The following SAMMSON variants were observed in gnomAD, a reference collection of about 807,000 sequenced individuals.
SAMMSON encodes survival associated mitochondrial melanoma specific oncogenic non-coding RNA.
At chr3:70,133,991 C>A (rs917264254) in intron 4 of SAMMSON, among the ~76,000 whole-genome samples, 2 of 151,724 alleles carry the variant, frequency 1.3e-5, no homozygotes, top group African/African-American at 4.8e-5. Context: ...CGCCTGTAAT[C>A]CCAGCACTTT....
intron 4 of SAMMSON, chr3:70,125,228 C>G (rs1051543488): frequency 7.3e-7 from 1 of 1,361,370 alleles, no homozygotes; most frequent in Non-Finnish European, 1.1e-6. Flanking sequence ...TCCTTTCATA[C>G]GACCTTCTTT....
intron 6 of SAMMSON, among the ~76,000 whole-genome samples, chr3:70,276,327 C>G (rs533266073): frequency 2.8e-4 from 43 of 152,240 alleles, no homozygotes; most frequent in African/African-American, 7.9e-4. Context: ...ATTATTCCAT[C>G]TTATGAACAC....
At chr3:70,324,639 TAGTC>T (rs1311851183) in intron 7 of SAMMSON, among the ~76,000 whole-genome samples, 3 of 152,174 alleles carry the variant, frequency 2.0e-5, no homozygotes, top group Non-Finnish European at 4.4e-5. Flanking sequence ...AATTCCCATT[TAGTC>T]AGTCAAAAAT....
chr3:70,395,154 G>A (rs1055838382), intron 2 of SAMMSON, among the ~76,000 whole-genome samples: 1 of 151,990 alleles, frequency 6.6e-6, no homozygotes, highest in Non-Finnish European at 1.5e-5. Context: ...GCCCACCCTG[G>A]GGAATGAGAC....
chr3:70,334,364 A>G (rs930485253), intron 7 of SAMMSON, among the ~76,000 whole-genome samples: 1 of 152,052 alleles, frequency 6.6e-6, no homozygotes, highest in Admixed American at 6.6e-5. Flanking sequence ...ATGCCTTGAG[A>G]TAAAAGTATA....
intron 4 of SAMMSON, among the ~76,000 whole-genome samples, chr3:70,187,946 A>G (rs1188767225): frequency 2.0e-5 from 3 of 152,116 alleles, no homozygotes; most frequent in African/African-American, 7.2e-5. Flanking sequence ...GCCATGTAGC[A>G]AGCTCTCTGA....
intron 3 of SAMMSON, among the ~76,000 whole-genome samples, chr3:70,061,917 A>G (rs981014588): frequency 6.6e-6 from 1 of 152,116 alleles, no homozygotes; most frequent in Admixed American, 6.6e-5. Flanking sequence ...TTGTTGAATG[A>G]ATAAATGATT....
intron 4 of SAMMSON, among the ~76,000 whole-genome samples, chr3:70,194,936 C>G (rs899976067): frequency 6.6e-6 from 1 of 152,090 alleles, no homozygotes; most frequent in African/African-American, 2.4e-5. Flanking sequence ...CATAAGGAAG[C>G]ACTAGGAGGT....
chr3:70,303,920 T>C lies in SAMMSON; in HGVS notation n.739+12677T>C, dbSNP rs557038889. Among the ~76,000 whole-genome samples the C allele has an allele frequency of 1.0e-3, 155 of 152,276 alleles. 1 individual carries two copies. Among genetic ancestry groups the C allele is most frequent in the Non-Finnish European group, 1.8e-3 (124 of 68,014 alleles). ...TTGGTCTAAAACTCCTGACCTCAAG[T>C]GATCCATCCTCCTCAGCTTCTCAAG... On this transcript the variant is annotated intron_variant and non_coding_transcript_variant, in intron 7 of 9. Transcript: ENST00000642114.
At chr3:70,044,924 A>G (rs1175054431) in intron 3 of SAMMSON, among the ~76,000 whole-genome samples, 1 of 143,722 alleles carries the variant, frequency 7.0e-6, no homozygotes, top group Non-Finnish European at 1.5e-5. Flanking sequence ...AAATACTTTA[A>G]TTAAAGTATT....
chr3:70,030,861 A>C (rs997096998), intron 3 of SAMMSON: 1 of 152,184 alleles, frequency 6.6e-6, no homozygotes, highest in African/African-American at 2.4e-5. Flanking sequence ...CTTCACACTC[A>C]TTATGTTGGC....
chr3:70,298,354 C>T (rs201700243), intron 7 of SAMMSON, among the ~76,000 whole-genome samples: 1 of 152,074 alleles, frequency 6.6e-6, no homozygotes, highest in Non-Finnish European at 1.5e-5. Context: ...CTTCTCTCCT[C>T]CACCAGCCAT....
chr3:70,264,011 G>C (rs1364246224), intron 6 of SAMMSON, among the ~76,000 whole-genome samples: 2 of 152,190 alleles, frequency 1.3e-5, no homozygotes, highest in African/African-American at 2.4e-5. Flanking sequence ...ACTGGAAGCA[G>C]TTAACTTTAC....
At chr3:70,368,616 T>C (rs1049216766) in intron 9 of SAMMSON, among the ~76,000 whole-genome samples, 1 of 151,642 alleles carries the variant, frequency 6.6e-6, no homozygotes, top group Admixed American at 6.6e-5. Flanking sequence ...TGCCATTGAC[T>C]GAAACATTAT....
At chr3:70,293,298 T>A (rs1399144779) in intron 7 of SAMMSON, among the ~76,000 whole-genome samples, 1 of 152,086 alleles carries the variant, frequency 6.6e-6, no homozygotes, top group Non-Finnish European at 1.5e-5. Flanking sequence ...CATACAATTA[T>A]CAAAATATGT....
chr3:70,425,822 T>C (rs72949136), intron 2 of SAMMSON, among the ~76,000 whole-genome samples: 28,459 of 152,078 alleles, frequency 0.19, 2,765 homozygotes, highest in Non-Finnish European at 0.19. Context: ...TCAGGAAGAG[T>C]ATCACTAAAA....
chr3:70,284,971 G>C (rs1165853836), intron 6 of SAMMSON, among the ~76,000 whole-genome samples: 1 of 151,966 alleles, frequency 6.6e-6, no homozygotes, highest in Admixed American at 6.6e-5. Context: ...CATTAACAAT[G>C]TTACATGGGT....
intron 9 of SAMMSON, among the ~76,000 whole-genome samples, chr3:70,359,768 T>TTTTTTTTTTTAATTAGA (rs1424969147): frequency 6.6e-6 from 1 of 152,260 alleles, no homozygotes; most frequent in African/African-American, 2.4e-5. Context: ...TAGATTATTT[T>TTTTTTTTTTTAATTAGA]TTGTTTTATT....
intron 4 of SAMMSON, among the ~76,000 whole-genome samples, chr3:70,179,364 G>A (rs948149680): frequency 2.6e-5 from 4 of 152,172 alleles, no homozygotes; most frequent in African/African-American, 2.4e-5. Flanking sequence ...TGTTGAATGC[G>A]TGTTAGGTGA....
Sources: gnomAD v4.1 joint callset for allele counts (sites outside exome capture counted in the v4.1 genomes callset) on GRCh38, gnomAD v4.1.1 for gene constraint, MANE v1.5 for transcripts, NCBI Gene and HGNC (gene_info 2026-07-23, HGNC 2026-07-21) for gene names.